Variants in VPS13A observed in about 807,000 individuals in gnomAD.
VPS13A encodes the protein intermembrane lipid transfer protein VPS13A.
Under a neutral mutation model 390.9 loss-of-function variants are expected in VPS13A, and 264 were observed. That is an observed-to-expected ratio of 0.68 (90% CI 0.61 to 0.75). The LOEUF (loss-of-function observed/expected upper bound fraction) is 0.75. Among genes scored for constraint, VPS13A ranks in the 30% least tolerant of loss-of-function variants. VPS13A has a pLI of 0.00. For synonymous variants in VPS13A, 1,231 were observed against 1,227.1 expected, an observed-to-expected ratio of 1.00 and a Z score of -0.07; for missense variants, 3,409 against 3,733.9, an observed-to-expected ratio of 0.91 and a Z score of 2.27.
chr9:77,300,818 T>G (rs1483211505), intron 33 of VPS13A, among the ~76,000 whole-genome samples: 1 of 152,258 alleles, frequency 6.6e-6, no homozygotes, highest in East Asian at 1.9e-4. Context: ...TGTTTGTGAC[T>G]AGGTTCTTTA....
In VPS13A at chr9:77,418,099, T is replaced by TTTTG. The variant is rs559122028; in HGVS notation, c.*2098_*2101dup. On this transcript the variant is annotated 3_prime_UTR_variant, in exon 72 of 72. Transcript: ENST00000360280. ...AGCATCACATTTTACAATTTACAGT[T>TTTTG]TTTGTTTGATTCTGTAGCCCATTTT... The TTTTG allele has an allele frequency of 6.1e-4, 93 of 152,308 alleles. No individual in the cohort carries two copies. Among genetic ancestry groups the TTTTG allele is most frequent in the African/African-American group, 2.1e-3 (89 of 41,570 alleles). 9.4% of individuals were successfully genotyped at this position (152,308 alleles called of 1,614,324 possible).
At chr9:77,262,566 A>G (rs1399759984) in intron 23 of VPS13A, among the ~76,000 whole-genome samples, 1 of 152,036 alleles carries the variant, frequency 6.6e-6, no homozygotes, top group Non-Finnish European at 1.5e-5. Context: ...TATTTCTCCT[A>G]AAGCTATCCC....
chr9:77,234,645 A>C (rs1824030463), intron 17 of VPS13A, among the ~76,000 whole-genome samples: 1 of 152,032 alleles, frequency 6.6e-6, no homozygotes, highest in Non-Finnish European at 1.5e-5. Context: ...TGATGAGTTT[A>C]ATTTCATTTA....
chr9:77,312,517 C>T (rs12004291), intron 35 of VPS13A, among the ~76,000 whole-genome samples: 3,774 of 151,964 alleles, frequency 0.025, 120 homozygotes, highest in African/African-American at 0.074. Context: ...AGCTCCGCCT[C>T]CCGGGTTCAC....
rs1371704535 is a variant in VPS13A, at chr9:77,420,343, C to A, written c.*4337C>A. 1.3e-5 allele frequency: 2 copies of A among 152,144 alleles called. No individual in the cohort carries two copies. The highest frequency in any genetic ancestry group is 6.5e-5 in the Admixed American group (1 of 15,272). The allele number at this position is 152,144 out of a possible 1,614,324, so 9.4% of individuals were successfully genotyped here. On this transcript the variant is annotated 3_prime_UTR_variant, in exon 72 of 72. Transcript: ENST00000360280. ...ATGCAGAATCCTACTCTATTACAAA[C>A]CTCACTCATGTTTCTTTTATTGAAA...
chr9:77,316,584 T>C (rs2131433782), intron 39 of VPS13A, among the ~76,000 whole-genome samples, 178 bp downstream of exon 39: 1 of 152,222 alleles, frequency 6.6e-6, no homozygotes, highest in African/African-American at 2.4e-5. Flanking sequence ...CTTTCATTCT[T>C]CCAGATGCTG....
chr9:77,379,318 G>A lies in VPS13A; in HGVS notation c.9078-2658G>A, dbSNP rs1317689459. On this transcript the variant is annotated intron_variant, in intron 67 of 71. Transcript: ENST00000360280. ...TGCAATGGCGCTATCTCAGCTCACC[G>A]CAACCTCCGCCTCCCAAGTTCAAGC... 5.3e-5 allele frequency among the ~76,000 whole-genome samples: 8 copies of A among 150,024 alleles called. No individual in the cohort carries two copies. The East Asian group carries it at 5.9e-4, about 11-fold the overall frequency.
chr9:77,275,590 T>C lies in VPS13A; in HGVS notation c.2605T>C (p.Leu869=). 6.2e-7 allele frequency: 1 copy of C among 1,613,710 alleles called. No individual in the cohort carries two copies. The highest frequency in any genetic ancestry group is 8.5e-7 in the Non-Finnish European group (1 of 1,179,740). Reference sequence around the variant, plus strand: ...AGTTAAAAGTATTCGAACCAGAAAGTTACAAAAGCAGGATTGTTCAGTAAA... The same window carrying C: ...AGTTAAAAGTATTCGAACCAGAAAGCTACAAAAGCAGGATTGTTCAGTAAA... The part of the protein sequence containing the change: ...TGVKSIRTRK[L]QKQDCSVNMT... The change falls in exon 25 of 72, where the codon TTA becomes CTA. Residue 869 remains leucine, a synonymous_variant. Coordinates refer to ENST00000360280, the MANE Select transcript of VPS13A (RefSeq NM_033305.3).
Position 77,221,327 on chromosome 9 carries a change from C to T in VPS13A, c.1132C>T (p.Pro378Ser), listed in dbSNP as rs769458307. ...TAAAAAAAAGTTAACAAGTAAGAAG[C>T]CACCTGGTGAACTTCTCGTGTCTTT... ...LYKKKLTSKK[P>S]PGELLVSLEE... Residue 378 changes from proline to serine, a missense_variant, in exon 13 of 72, where the codon CCA becomes TCA. Physicochemically the swap from Pro to Ser is moderately conservative, Grantham distance 74 (BLOSUM62 -1). Transcript: ENST00000360280. 13 of 1,612,940 alleles carry T rather than the reference C, an allele frequency of 8.1e-6. No individual in the cohort carries two copies. Among genetic ancestry groups the T allele is most frequent in the Admixed American group, 1.7e-5 (1 of 59,930 alleles).
At position 77,342,514 on chromosome 9, in the gene VPS13A, T is replaced by A. The variant is rs116023349; in HGVS notation, c.7027-1639T>A. ...GATGGTGATGCCACACAACCACAGA[T>A]TGTCAACATGGGTGGTTGAGATAGT... On this transcript the variant is annotated intron_variant, in intron 50 of 71. Transcript: ENST00000360280. 5.8e-3 allele frequency among the ~76,000 whole-genome samples: 878 copies of A among 152,210 alleles called. 12 individuals are homozygous for A. The highest frequency in any genetic ancestry group is 0.02 in the African/African-American group (847 of 41,514).
chr9:77,212,519 AG>A (rs2131150842), intron 7 of VPS13A, among the ~76,000 whole-genome samples: 1 of 152,124 alleles, frequency 6.6e-6, no homozygotes, highest in East Asian at 1.9e-4. Flanking sequence ...TTTTTTGTAG[AG>A]ACAAGGTCTC....
At chr9:77,318,095 A>T in intron 40 of VPS13A, 140 bp from the exon 41 acceptor site, 1 of 518,504 alleles carries the variant, frequency 1.9e-6, no homozygotes, top group Non-Finnish European at 3.2e-6. Context: ...AAAAAATTTT[A>T]TAAACAATAA....
rs776341990 is a variant in VPS13A at position 77,308,000 on chromosome 9, T to G, written c.4016T>G (p.Ile1339Arg). The G allele has an allele frequency of 6.2e-7, 1 of 1,606,478 alleles. No homozygotes were observed. The highest frequency in any genetic ancestry group is 8.5e-7 in the Non-Finnish European group (1 of 1,173,132). ...ATTTTTAAAACATTGCATGGCAATA[T>G]ATGGTATGAAAAAGATGGTAGTGCC... Reference protein sequence around the residue: ...TTIFKTLHGNIWYEKDGSASP... With the variant: ...TTIFKTLHGNRWYEKDGSASP... The change falls in exon 35 of 72, where the codon ATA (isoleucine) becomes AGA (arginine). Residue 1339 changes from isoleucine (I) to arginine (R), a missense_variant. This residue lies in a region of VPS13A where 2,717 missense variants were observed against 2,917.4 expected (regional missense o/e 0.93). Transcript: ENST00000360280.
intron 3 of VPS13A, among the ~76,000 whole-genome samples, chr9:77,201,965 C>T (rs572943932): frequency 6.6e-6 from 1 of 152,148 alleles, no homozygotes; most frequent in African/African-American, 2.4e-5. Context: ...AAAAACTTAT[C>T]TGTCATGTTT....
intron 1 of VPS13A, among the ~76,000 whole-genome samples, chr9:77,186,573 G>T (rs1824352213): frequency 6.6e-6 from 1 of 152,078 alleles, no homozygotes; most frequent in Non-Finnish European, 1.5e-5. Context: ...AAGTAGCTGG[G>T]ACTACAGATG....
intron 56 of VPS13A, 123 bp downstream of exon 56, chr9:77,357,961 T>TC (rs1831911891): frequency 2.0e-6 from 2 of 984,660 alleles, no homozygotes; most frequent in East Asian, 5.1e-5. Context: ...CCTTTTTTTT[T>TC]TTTTTTTTTT....
At chr9:77,349,609 A>G (rs1361860680) in intron 52 of VPS13A, among the ~76,000 whole-genome samples, 2 of 152,058 alleles carry the variant, frequency 1.3e-5, no homozygotes, top group African/African-American at 4.8e-5. Context: ...TTCAACTTTT[A>G]TAATTTTAGA....
chr9:77,212,247 C>A lies in VPS13A; in HGVS notation c.556-722C>A, dbSNP rs187978496. Among the ~76,000 whole-genome samples the A allele has an allele frequency of 2.0e-5, 3 of 152,214 alleles. No homozygotes were observed. In the East Asian group the frequency reaches 5.8e-4, roughly 29 times the overall value. ...AAACCCTTTTTAAACCGACCCCAGG[C>A]AATATACCTGGTTTTACTTTTTTTC... is the stretch of plus-strand genomic sequence containing the variant. On this transcript the variant is annotated intron_variant, in intron 7 of 71. Transcript: ENST00000360280.
chr9:77,296,323 A>G (rs944520956), intron 33 of VPS13A, among the ~76,000 whole-genome samples: 1 of 152,192 alleles, frequency 6.6e-6, no homozygotes, highest in Non-Finnish European at 1.5e-5. Context: ...TTAGGCGGAT[A>G]ACCAAATGTT....
Sources: gnomAD v4.1 joint callset for allele counts (sites outside exome capture counted in the v4.1 genomes callset) on GRCh38, gnomAD v4.1.1 for gene constraint, gnomAD v4.1.1 regional missense constraint, MANE v1.5 for transcripts, NCBI Gene and HGNC (gene_info 2026-07-23, HGNC 2026-07-21) for gene names.